Variants in ARHGEF17 observed in about 807,000 individuals in gnomAD.
The protein encoded by ARHGEF17 is Rho guanine nucleotide exchange factor 17, also known as 164 kDa Rho-specific guanine-nucleotide exchange factor.
In ARHGEF17, 80 loss-of-function variants were observed where a neutral mutation model predicts 174.0. The ratio of observed to expected loss-of-function variants is 0.46; its 90% confidence interval spans 0.38 to 0.55. The LOEUF is 0.55. ARHGEF17 is among the 20% of genes least tolerant of loss of function. The probability of loss-of-function intolerance (pLI) is 0.00; values close to 1 mark genes in which losing one functional copy is unlikely to be tolerated. For missense variants in ARHGEF17, 2,886 were observed against 2,839.7 expected (o/e 1.02, Z -0.37); for synonymous variants, 1,311 against 1,189.1 (o/e 1.10, Z -2.11).
At chr11:73,358,744 G>T (rs1019802122) in intron 9 of ARHGEF17, among the ~76,000 whole-genome samples, 1 of 151,670 alleles carries the variant, frequency 6.6e-6, no homozygotes, top group Non-Finnish European at 1.5e-5. Flanking sequence ...GATTACAGGC[G>T]TGAGCCAACA....
chr11:73,368,614 A>C lies in ARHGEF17; in HGVS notation c.*834A>C, dbSNP rs1865881471. The C allele has an allele frequency of 6.6e-6, 1 of 152,262 alleles. No individual in the cohort carries two copies. The highest frequency in any genetic ancestry group is 2.1e-4 in the South Asian group (1 of 4,816). 9.4% of individuals were successfully genotyped at this position (152,262 alleles called of 1,614,324 possible). On this transcript the variant is annotated 3_prime_UTR_variant, in exon 21 of 21. Transcript: ENST00000263674. ...ACAGGGCTTTCTCTCAGGTAGGAGA[A>C]ATGGGCCCATGATCTCCTCACAGTC...
At chr11:73,321,230 C>A (rs1865012442) in intron 1 of ARHGEF17, among the ~76,000 whole-genome samples, 2 of 151,988 alleles carry the variant, frequency 1.3e-5, no homozygotes, top group Non-Finnish European at 1.5e-5. Flanking sequence ...GGGCTGGAGG[C>A]TGAGCCACAT....
At chr11:73,321,511 T>C (rs1000925722) in intron 1 of ARHGEF17, among the ~76,000 whole-genome samples, 1 of 152,230 alleles carries the variant, frequency 6.6e-6, no homozygotes, top group African/African-American at 2.4e-5. Context: ...TAACAAGTCA[T>C]TGGATCCCAA....
chr11:73,362,081 C>G lies in ARHGEF17; in HGVS notation c.4536C>G (p.Pro1512=). The G allele has an allele frequency of 1.2e-6, 2 of 1,612,884 alleles. No homozygotes were observed. The highest frequency in any genetic ancestry group is 1.7e-6 in the Non-Finnish European group (2 of 1,179,926). The change falls in exon 13 of 21, where the codon CCC becomes CCG. Residue 1512 remains proline, a synonymous_variant. Coordinates refer to ENST00000263674, the MANE Select transcript of ARHGEF17 (RefSeq NM_014786.4). ...CCACCCTGAACAGCTGCCCGGAGCC[C>G]TCGCCTGAGGTATGGGTCTGCAACA... is the stretch of plus-strand genomic sequence containing the variant. ...AAPTLNSCPE[P]SPEVWVCNSD...
chr11:73,324,893 G>A (rs1865076557), intron 1 of ARHGEF17, among the ~76,000 whole-genome samples: 1 of 152,216 alleles, frequency 6.6e-6, no homozygotes. Context: ...GGAGTGGGAG[G>A]AGGTGACAGG....
rs200003232 is a variant in ARHGEF17, at chr11:73,365,675, C to T, written c.5726-3C>T. On this transcript the variant is annotated splice_polypyrimidine_tract_variant and splice_region_variant and intron_variant, in intron 19 of 20. Coordinates refer to ENST00000263674, the MANE Select transcript of ARHGEF17 (RefSeq NM_014786.4). The surrounding 1 kb of genome is among the most constrained non-coding windows in gnomAD (Gnocchi z 4.9). ...CCCAGCTGTGGTCTGTCTCCCACCC[C>T]AGGCTCGGATGCCATCATCCGGCAG... The T allele has an allele frequency of 7.5e-4, 1,212 of 1,611,524 alleles. No individual in the cohort carries two copies. Among genetic ancestry groups the T allele is most frequent in the Non-Finnish European group, 8.9e-4 (1,047 of 1,178,290 alleles).
At chr11:73,337,281 A>C (rs1865300796) in intron 1 of ARHGEF17, among the ~76,000 whole-genome samples, 1 of 151,842 alleles carries the variant, frequency 6.6e-6, no homozygotes, top group African/African-American at 2.4e-5. Context: ...GGTGGTGCGC[A>C]CCTGTACCCC....
At position 73,311,497 on chromosome 11, in the gene ARHGEF17, C is replaced by T. The variant is rs201103249; in HGVS notation, c.2859C>T (p.Ser953=). ...QTGSLSRARP[S]SRHVRHASVP... is the part of the protein sequence containing the mutation. ...GCAGCCTGTCTCGGGCCCGGCCCTC[C>T]TCCAGACACGTTCGCCATGCCAGTG... is the stretch of plus-strand genomic sequence containing the variant. Residue 953 remains serine, a synonymous_variant, in exon 1 of 21, where the codon TCC becomes TCT. Coordinates refer to ENST00000263674, the MANE Select transcript of ARHGEF17 (RefSeq NM_014786.4). 1.1e-5 allele frequency: 18 copies of T among 1,613,182 alleles called. No individual in the cohort carries two copies. The African/African-American group carries it at 2.0e-4, about 18-fold the overall frequency.
chr11:73,320,465 T>A (rs1490187074), intron 1 of ARHGEF17, among the ~76,000 whole-genome samples: 3 of 146,226 alleles, frequency 2.1e-5, no homozygotes, highest in African/African-American at 7.8e-5. Flanking sequence ...TGAAACCCTG[T>A]CTCCACTAAA....
chr11:73,362,878 T>G, intron 14 of ARHGEF17, 144 bp downstream of exon 14: 1 of 1,104,616 alleles, frequency 9.1e-7, no homozygotes, highest in Non-Finnish European at 1.3e-6. Context: ...GGGCAGGGGA[T>G]GTGACACCAA....
Position 73,358,390 on chromosome 11 carries a change from G to A in ARHGEF17, c.4087+1063G>A, listed in dbSNP as rs117232568. Among the ~76,000 whole-genome samples, 927 of 151,876 alleles carry A rather than the reference G, an allele frequency of 6.1e-3. 9 individuals are homozygous for A. The highest frequency in any genetic ancestry group is 0.027 in the Middle Eastern group (8 of 294). ...ACAAGCTCCTTCAGGCCCCTTTATC[G>A]GCACAAATCTCATTCACGATGGTTT... On this transcript the variant is annotated intron_variant, in intron 9 of 20. Transcript: ENST00000263674.
chr11:73,318,475 A>G (rs933426004), intron 1 of ARHGEF17, among the ~76,000 whole-genome samples: 1 of 151,888 alleles, frequency 6.6e-6, no homozygotes, highest in Non-Finnish European at 1.5e-5. Context: ...TGCCTCTACT[A>G]AAAATAAAAA....
chr11:73,312,248 G>A (rs1565186279), intron 1 of ARHGEF17, among the ~76,000 whole-genome samples: 2 of 152,198 alleles, frequency 1.3e-5, no homozygotes, highest in African/African-American at 4.8e-5. Context: ...ACCCTTGATA[G>A]GATGTTTGGC....
At chr11:73,352,469 C>G (rs1043529481) in intron 2 of ARHGEF17, among the ~76,000 whole-genome samples, 1 of 152,226 alleles carries the variant, frequency 6.6e-6, no homozygotes, top group Non-Finnish European at 1.5e-5. Flanking sequence ...ATTCTTAGAA[C>G]AGTGCCTGGT....
At chr11:73,361,995 C>T in intron 12 of ARHGEF17, 45 bp from the exon 13 acceptor site, 1 of 1,590,062 alleles carries the variant, frequency 6.3e-7, no homozygotes, top group African/African-American at 1.3e-5. Context: ...ATGCTGGCAG[C>T]AGTTCCTCCA....
At chr11:73,336,659 A>G (rs954536520) in intron 1 of ARHGEF17, among the ~76,000 whole-genome samples, 2 of 152,200 alleles carry the variant, frequency 1.3e-5, no homozygotes, top group South Asian at 4.1e-4. Flanking sequence ...TCCTGTCAGC[A>G]TATGAAGGAC....
chr11:73,351,484 G>T (rs1298999256), intron 2 of ARHGEF17, among the ~76,000 whole-genome samples: 1 of 152,146 alleles, frequency 6.6e-6, no homozygotes, highest in African/African-American at 2.4e-5. Flanking sequence ...TGGCCAGCAG[G>T]TCTGAAATCT....
At chr11:73,362,332 G>T in intron 13 of ARHGEF17, 93 bp downstream of exon 13, 1 of 1,445,784 alleles carries the variant, frequency 6.9e-7, no homozygotes. Flanking sequence ...GCGTGGTTGT[G>T]GGCGGGGCCC....
chr11:73,347,698 AG>A (rs1021082935), intron 2 of ARHGEF17, among the ~76,000 whole-genome samples: 2 of 152,210 alleles, frequency 1.3e-5, no homozygotes, highest in Non-Finnish European at 2.9e-5. Flanking sequence ...AGATTCTGCC[AG>A]GGTCCGTGGA....
Sources: gnomAD v4.1 joint callset for allele counts (sites outside exome capture counted in the v4.1 genomes callset) on GRCh38, gnomAD v4.1.1 for gene constraint, Gnocchi (gnomAD v3.1) non-coding constraint, MANE v1.5 for transcripts, NCBI Gene and HGNC (gene_info 2026-07-23, HGNC 2026-07-21) for gene names.